LOXL2: variants seen among roughly 807,000 people sequenced by gnomAD.
LOXL2 encodes the protein lysyl oxidase homolog 2.
A neutral mutation model predicts 93.0 loss-of-function variants in LOXL2; 70 were observed. The ratio of observed to expected loss-of-function variants is 0.75; its 90% CI spans 0.62 to 0.92. LOXL2 has a LOEUF of 0.92. Ranked by LOEUF, LOXL2 falls within the 40% of genes least tolerant of loss-of-function variation. LOXL2 has a pLI of 0.00. For synonymous variants in LOXL2, 438 were observed against 413.2 expected, an observed-to-expected ratio of 1.06 and a Z score of -0.73; for missense variants, 973 against 1,054.9, an observed-to-expected ratio of 0.92 and a Z score of 1.08.
At chr8:23,304,872 G>T (rs1318547082) in intron 10 of LOXL2, among the ~76,000 whole-genome samples, 2 of 152,154 alleles carry the variant, frequency 1.3e-5, no homozygotes, top group Admixed American at 6.5e-5. Context: ...ACGGGGAACG[G>T]GGAAGACAGC....
intron 6 of LOXL2, among the ~76,000 whole-genome samples, chr8:23,327,784 G>T (rs1803604883): frequency 6.6e-6 from 1 of 152,128 alleles, no homozygotes; most frequent in Non-Finnish European, 1.5e-5. Flanking sequence ...TTCCACCAAC[G>T]GACCCACTTG....
chr8:23,374,280 C>T (rs1372529353), intron 1 of LOXL2, among the ~76,000 whole-genome samples: 1 of 152,170 alleles, frequency 6.6e-6, no homozygotes, highest in Non-Finnish European at 1.5e-5. Flanking sequence ...GACATGAACT[C>T]ATCCTTTTTT....
chr8:23,397,735 G>A (rs1434418286), intron 1 of LOXL2, among the ~76,000 whole-genome samples: 5 of 146,462 alleles, frequency 3.4e-5, no homozygotes, highest in East Asian at 2.0e-4. Context: ...CCGAGATCGC[G>A]CCACTGCACT....
rs373934448 is a variant in LOXL2 at position 23,310,019 on chromosome 8, C to T, written c.1637-108G>A. 103 of 1,249,648 alleles carry T rather than the reference C, an allele frequency of 8.2e-5. 3 individuals are homozygous for T. In the Middle Eastern group the frequency reaches 4.5e-3, roughly 55 times the overall value. 77.4% of individuals were successfully genotyped at this position (1,249,648 alleles called of 1,614,324 possible). ...CCCCTCTCCTGCCTACCGCCACCTT[C>T]TGGAATGACTCAAGGGCTCCTCAAG... On this transcript the variant is annotated intron_variant, in intron 9 of 13. Coordinates refer to ENST00000389131, the MANE Select transcript of LOXL2 (RefSeq NM_002318.3).
At chr8:23,344,189 G>A (rs1031410393) in intron 3 of LOXL2, among the ~76,000 whole-genome samples, 3 of 152,238 alleles carry the variant, frequency 2.0e-5, no homozygotes, top group Non-Finnish European at 4.4e-5. Flanking sequence ...TCGTTCCTGC[G>A]ATGATGCGGG....
intron 1 of LOXL2, among the ~76,000 whole-genome samples, chr8:23,399,331 A>G (rs1205519691): frequency 6.6e-6 from 1 of 152,226 alleles, no homozygotes; most frequent in African/African-American, 2.4e-5. Context: ...TGTGGTTTGA[A>G]TAGGTGTCCC....
At position 23,313,696 on chromosome 8, in the gene LOXL2, A is replaced by G. The variant is rs1310077092; in HGVS notation, c.1636+3253T>C. Among the ~76,000 whole-genome samples, 7 of 150,452 alleles carry G rather than the reference A, an allele frequency of 4.7e-5. No homozygotes were observed. In the East Asian group the frequency reaches 1.2e-3, roughly 25 times the overall value. On this transcript the variant is annotated intron_variant, in intron 9 of 13. Coordinates refer to ENST00000389131, the MANE Select transcript of LOXL2 (RefSeq NM_002318.3). ...TTAGACCTAAAACCATAAAAACCCT[A>G]GAAGAAAACCTAGGCATTACCATTC...
intron 3 of LOXL2, among the ~76,000 whole-genome samples, chr8:23,342,421 T>TTTTTTC (rs1178852710): frequency 6.6e-6 from 1 of 151,138 alleles, no homozygotes; most frequent in Non-Finnish European, 1.5e-5. Context: ...AAAGAGCCTC[T>TTTTTTC]TTTTTCTTTT....
At chr8:23,350,722 C>T (rs1804078081) in intron 3 of LOXL2, among the ~76,000 whole-genome samples, 1 of 152,196 alleles carries the variant, frequency 6.6e-6, no homozygotes. Context: ...TGCTGACACC[C>T]CCAAAGGAAA....
At chr8:23,346,326 C>T (rs1803983937) in intron 3 of LOXL2, among the ~76,000 whole-genome samples, 1 of 152,120 alleles carries the variant, frequency 6.6e-6, no homozygotes, top group South Asian at 2.1e-4. Flanking sequence ...CAACAGTGCA[C>T]CCAGGACTCC....
intron 9 of LOXL2, among the ~76,000 whole-genome samples, chr8:23,311,396 G>A (rs183547838): frequency 2.0e-4 from 30 of 152,342 alleles, no homozygotes; most frequent in African/African-American, 6.3e-4. Flanking sequence ...TGGAGGCTAC[G>A]CCAGGATGCA....
At chr8:23,319,267 T>G (rs1041620789) in intron 8 of LOXL2, among the ~76,000 whole-genome samples, 1 of 127,552 alleles carries the variant, frequency 7.8e-6, no homozygotes, top group African/African-American at 3.0e-5. Context: ...ATTTTGTTGC[T>G]GCTCTGTGAT....
chr8:23,347,153 T>C, intron 3 of LOXL2, among the ~76,000 whole-genome samples: 1 of 146,326 alleles, frequency 6.8e-6, no homozygotes, highest in Admixed American at 7.0e-5. Context: ...ACCCTATCTC[T>C]ACTAAACACA....
At chr8:23,349,426 G>C (rs990887569) in intron 3 of LOXL2, among the ~76,000 whole-genome samples, 34 of 152,006 alleles carry the variant, frequency 2.2e-4, no homozygotes, top group African/African-American at 8.2e-4. Flanking sequence ...AAAAATATTT[G>C]TCCAGTGCCA....
intron 2 of LOXL2, chr8:23,363,878 T>C (rs7013799): frequency 6.6e-6 from 1 of 152,028 alleles, no homozygotes; most frequent in African/African-American, 2.4e-5. Flanking sequence ...CATAACAAAA[T>C]TTTTTTTGTT....
At chr8:23,330,976 G>C (rs1276027716) in intron 5 of LOXL2, among the ~76,000 whole-genome samples, 2 of 152,166 alleles carry the variant, frequency 1.3e-5, no homozygotes, top group African/African-American at 4.8e-5. Flanking sequence ...ACTCCTGATA[G>C]TTCCCACTCC....
chr8:23,386,978 G>A (rs73226418), intron 1 of LOXL2, among the ~76,000 whole-genome samples: 18,512 of 152,156 alleles, frequency 0.12, 1,366 homozygotes, highest in Admixed American at 0.17. Flanking sequence ...TTCAAACCTA[G>A]TTTGAGTGAG....
chr8:23,328,844 G>T, intron 5 of LOXL2: 1 of 427,056 alleles, frequency 2.3e-6, no homozygotes, highest in Non-Finnish European at 4.3e-6. Flanking sequence ...CTGGTCCCCT[G>T]GGGAGCCCAT....
intron 7 of LOXL2, among the ~76,000 whole-genome samples, chr8:23,321,001 CAG>C (rs1803487186): frequency 6.6e-6 from 1 of 152,224 alleles, no homozygotes; most frequent in Non-Finnish European, 1.5e-5. Context: ...AAGCCAGAAA[CAG>C]AGGAGCAATT....
Sources: gnomAD v4.1 joint callset for allele counts (sites outside exome capture counted in the v4.1 genomes callset) on GRCh38, gnomAD v4.1.1 for gene constraint, MANE v1.5 for transcripts, NCBI Gene and HGNC (gene_info 2026-07-23, HGNC 2026-07-21) for gene names.